Variants in ASTN1 observed in about 807,000 individuals in gnomAD.
ASTN1 encodes astrotactin 1.
Under a neutral mutation model 140.7 loss-of-function variants are expected in ASTN1, and 41 were observed. That is an observed-to-expected ratio of 0.29 (90% confidence interval 0.23 to 0.38). The LOEUF (loss-of-function observed/expected upper bound fraction) is 0.38, where lower values mean the gene tolerates loss of function less well. ASTN1 is among the 10% of genes least tolerant of loss of function. The probability of loss-of-function intolerance (pLI) is 1.00; values close to 1 mark genes in which losing one functional copy is unlikely to be tolerated. For missense variants in ASTN1, 1,479 were observed against 1,678.8 expected, an observed-to-expected ratio of 0.88 and a Z score of 2.08; for synonymous variants, 640 against 652.2, an observed-to-expected ratio of 0.98 and a Z score of 0.29.
At chr1:176,888,775 G>A (rs1430383896) in intron 17 of ASTN1, among the ~76,000 whole-genome samples, 3 of 152,188 alleles carry the variant, frequency 2.0e-5, no homozygotes, top group Non-Finnish European at 4.4e-5. Context: ...GTGGCACACA[G>A]GCTAAGAGCT....
chr1:177,061,087 G>C lies in ASTN1; in HGVS notation c.462C>G (p.Ile154Met), dbSNP rs139390446. 2.2e-5 allele frequency: 36 copies of C among 1,601,768 alleles called. No homozygotes were observed. In the African/African-American group the frequency reaches 4.6e-4, roughly 20 times the overall value. Residue 154 changes from isoleucine to methionine, a missense_variant, in exon 2 of 23, where the codon ATC becomes ATG. By Grantham distance (10) the Ile-to-Met change is conservative. Coordinates refer to ENST00000361833, the MANE Select transcript of ASTN1 (RefSeq NM_004319.3). The stretch of plus-strand genomic sequence containing the variant: ...GCTGTTCTGCTCTTACCATGACTGA[G>C]ATGTGGAGGATCCTCAGCTCCTCTT... ...SAEEELRILH[I>M]SVMGGMIALL...
chr1:176,947,822 T>C (rs930111394), intron 12 of ASTN1, among the ~76,000 whole-genome samples: 6 of 152,186 alleles, frequency 3.9e-5, no homozygotes, highest in African/African-American at 9.6e-5. Flanking sequence ...TCAGGTCGGG[T>C]ATCCTGTTCT....
In ASTN1 at chr1:176,861,112, T is replaced by C. The variant is rs1667945044; in HGVS notation, c.*3172A>G. The C allele has an allele frequency of 5.3e-6, 5 of 947,696 alleles. No individual in the cohort carries two copies. Among genetic ancestry groups the C allele is most frequent in the Non-Finnish European group, 6.3e-6 (5 of 795,684 alleles). The allele number at this position is 947,696 out of a possible 1,614,324, so 58.7% of individuals were successfully genotyped here. On this transcript the variant is annotated 3_prime_UTR_variant, in exon 23 of 23. Coordinates refer to ENST00000361833, the MANE Select transcript of ASTN1 (RefSeq NM_004319.3). ...TTATTATTCAGTTAATTATTTCATC[T>C]TTTATAATCATACAATAATTCTCTT...
intron 1 of ASTN1, among the ~76,000 whole-genome samples, chr1:177,073,087 C>T (rs1371600062): frequency 6.6e-6 from 1 of 152,154 alleles, no homozygotes; most frequent in Non-Finnish European, 1.5e-5. Flanking sequence ...CACCTTAAAT[C>T]AGGACACAAA....
At chr1:176,894,479 C>T in intron 17 of ASTN1, 83 bp downstream of exon 17, 2 of 1,527,236 alleles carry the variant, frequency 1.3e-6, no homozygotes, top group Non-Finnish European at 1.8e-6. Context: ...CCCTCAACCA[C>T]ACCCTGTCAC....
At chr1:176,877,468 A>G (rs1002939444) in intron 20 of ASTN1, among the ~76,000 whole-genome samples, 4 of 152,212 alleles carry the variant, frequency 2.6e-5, no homozygotes, top group African/African-American at 9.6e-5. Context: ...CAGAGTGGAA[A>G]CATCGCAGTC....
chr1:176,949,368 A>G lies in ASTN1; in HGVS notation c.1888-17T>C, dbSNP rs2076073. 0.16 allele frequency: 249,364 copies of G among 1,605,578 alleles called. 20,615 individuals carry two copies. The highest frequency in any genetic ancestry group is 0.27 in the African/African-American group (20,069 of 74,820). ...AGATGGGCACTGGCACAATCAGAAA[A>G]CATCCACATACGTGGGTGAATCGGG... On this transcript the variant is annotated splice_polypyrimidine_tract_variant and intron_variant, in intron 11 of 22. Coordinates refer to ENST00000361833, the MANE Select transcript of ASTN1 (RefSeq NM_004319.3).
At chr1:176,971,540 T>G (rs939185833) in intron 8 of ASTN1, among the ~76,000 whole-genome samples, 1 of 152,182 alleles carries the variant, frequency 6.6e-6, no homozygotes. Context: ...CAACTGCTAT[T>G]TACTTGGACA....
chr1:176,936,314 G>A lies in ASTN1; in HGVS notation c.2434C>T (p.Arg812Trp), dbSNP rs781276168. The A allele has an allele frequency of 1.3e-5, 21 of 1,613,718 alleles. No individual in the cohort carries two copies. In the East Asian group the frequency reaches 2.9e-4, roughly 22 times the overall value. Residue 812 changes from arginine to tryptophan, a missense_variant, in exon 15 of 23, where the codon CGG becomes TGG. This residue lies in a region of ASTN1 where 746 missense variants were observed against 800.9 expected (regional missense o/e 0.93). Coordinates refer to ENST00000361833, the MANE Select transcript of ASTN1 (RefSeq NM_004319.3). ...AGTTTGATGTGGTACATCACAGACC[G>A]GACCTTCCAGTGCTGCAGCACAGGG... ...GYPVLQHWKVRSVMYHIKLNQ... is the reference protein window; with the variant it reads ...GYPVLQHWKVWSVMYHIKLNQ...
At position 177,164,701 on chromosome 1, in the gene ASTN1, T is replaced by C; in HGVS notation, c.-25A>G. ...TCTTGAGCCCCGGCCGCCTTCCTCC[T>C]AGCGCTGCGATGGTGGGGGAGGAAG... On this transcript the variant is annotated 5_prime_UTR_variant, in exon 1 of 23. Transcript: ENST00000361833. 6.6e-7 allele frequency: 1 copy of C among 1,522,136 alleles called. No individual in the cohort carries two copies. The highest frequency in any genetic ancestry group is 8.8e-7 in the Non-Finnish European group (1 of 1,138,298). The allele number at this position is 1,522,136 out of a possible 1,614,324, so 94.3% of individuals were successfully genotyped here.
At chr1:177,028,800 T>C (rs1676266307) in intron 5 of ASTN1, among the ~76,000 whole-genome samples, 1 of 152,244 alleles carries the variant, frequency 6.6e-6, no homozygotes, top group Non-Finnish European at 1.5e-5. Flanking sequence ...TAAAGCTCTA[T>C]GTTCTACGCA....
intron 8 of ASTN1, among the ~76,000 whole-genome samples, chr1:177,013,414 T>A (rs766247509): frequency 6.6e-6 from 1 of 152,220 alleles, no homozygotes; most frequent in East Asian, 1.9e-4. Flanking sequence ...GACTTAGTCA[T>A]CAGCTGGCTA....
At chr1:177,083,977 A>G (rs1045190332) in intron 1 of ASTN1, among the ~76,000 whole-genome samples, 3 of 152,178 alleles carry the variant, frequency 2.0e-5, no homozygotes, top group Non-Finnish European at 4.4e-5. Flanking sequence ...CTTTTGTCAG[A>G]GTAAATTCTC....
At chr1:176,945,807 C>G in intron 13 of ASTN1, 119 bp downstream of exon 13, 1 of 951,888 alleles carries the variant, frequency 1.1e-6, no homozygotes. Flanking sequence ...TGTAGTCTAT[C>G]CCTTTAGACA....
chr1:177,078,759 T>C (rs1224319948), intron 1 of ASTN1, among the ~76,000 whole-genome samples: 2 of 152,134 alleles, frequency 1.3e-5, no homozygotes, highest in East Asian at 3.9e-4. Context: ...CAGCAGATAA[T>C]GATGCTGGAA....
chr1:177,077,478 A>C (rs1186512581), intron 1 of ASTN1, among the ~76,000 whole-genome samples: 1 of 152,192 alleles, frequency 6.6e-6, no homozygotes, highest in Non-Finnish European at 1.5e-5. Flanking sequence ...AAGCCCAATA[A>C]GGATTATAAC....
At chr1:176,953,706 C>A (rs545322660) in intron 11 of ASTN1, among the ~76,000 whole-genome samples, 1 of 152,246 alleles carries the variant, frequency 6.6e-6, no homozygotes, top group Non-Finnish European at 1.5e-5. Context: ...TTGTAGATAG[C>A]ATGTGGAGGG....
At chr1:176,944,257 T>C (rs1415484145) in intron 13 of ASTN1, among the ~76,000 whole-genome samples, 1 of 152,088 alleles carries the variant, frequency 6.6e-6, no homozygotes, top group Admixed American at 6.5e-5. Flanking sequence ...CAACCCACAA[T>C]GTAAAATTAT....
intron 16 of ASTN1, among the ~76,000 whole-genome samples, chr1:176,906,950 GTATAAAT>G (rs1293869867): frequency 2.6e-5 from 4 of 152,106 alleles, no homozygotes; most frequent in African/African-American, 9.7e-5. Context: ...TTTATAGCTG[GTATAAAT>G]TAGGAGAGAT....
Sources: gnomAD v4.1 joint callset for allele counts (sites outside exome capture counted in the v4.1 genomes callset) on GRCh38, gnomAD v4.1.1 for gene constraint, gnomAD v4.1.1 regional missense constraint, MANE v1.5 for transcripts, NCBI Gene and HGNC (gene_info 2026-07-23, HGNC 2026-07-21) for gene names.